The following SAPCD2 variants were observed in gnomAD, a reference collection of about 807,000 sequenced individuals.
SAPCD2 encodes the protein suppressor APC domain containing 2.
Under a neutral mutation model 37.8 loss-of-function variants are expected in SAPCD2, and 34 were observed. The ratio of observed to expected loss-of-function variants is 0.90; its 90% CI spans 0.68 to 1.20. SAPCD2 has a LOEUF of 1.20. Among genes scored for constraint, SAPCD2 ranks in the 50% most tolerant of loss-of-function variants. SAPCD2 has a pLI of 0.00. For missense variants in SAPCD2, 572 were observed against 584.7 expected (o/e 0.98, Z 0.22); for synonymous variants, 275 against 270.3 (o/e 1.02, Z -0.17).
chr9:137,064,025 C>G lies in SAPCD2; in HGVS notation c.*634G>C, dbSNP rs552759727. ...GTGGGAGGCACATGCAGGCCAAGCTCTCGCCCACCCGGCGTGCCGATCCGC... is the reference window on the plus strand; with the variant it reads ...GTGGGAGGCACATGCAGGCCAAGCTGTCGCCCACCCGGCGTGCCGATCCGC... On this transcript the variant is annotated 3_prime_UTR_variant, in exon 6 of 6. Coordinates refer to ENST00000409687, the MANE Select transcript of SAPCD2 (RefSeq NM_178448.4). 4.6e-4 allele frequency: 75 copies of G among 162,082 alleles called. 3 individuals are homozygous for G. The highest frequency in any genetic ancestry group is 3.2e-3 in the Middle Eastern group (1 of 312). The allele number at this position is 162,082 out of a possible 1,614,324, so 10.0% of individuals were successfully genotyped here.
At chr9:137,067,499 C>T (rs1296161002) in intron 1 of SAPCD2, among the ~76,000 whole-genome samples, 3 of 148,528 alleles carry the variant, frequency 2.0e-5, no homozygotes, top group Non-Finnish European at 3.0e-5. Context: ...TTGCCGGGCA[C>T]GGTGGCTCAC....
At chr9:137,066,415 G>A (rs759414980) in intron 1 of SAPCD2, 41 bp from the exon 2 acceptor site, 3 of 1,459,224 alleles carry the variant, frequency 2.1e-6, no homozygotes, top group Non-Finnish European at 2.8e-6. Flanking sequence ...CTCCAGACCT[G>A]CCTGGCCAGG....
At position 137,063,643 on chromosome 9, in the gene SAPCD2, C is replaced by G. The variant is rs1254701286; in HGVS notation, c.*1016G>C. On this transcript the variant is annotated 3_prime_UTR_variant, in exon 6 of 6. Coordinates refer to ENST00000409687, the MANE Select transcript of SAPCD2 (RefSeq NM_178448.4). Reference sequence around the variant, plus strand: ...TCCAGGTTGGGCTGAGCAGGGCCCCCCCACCAGTGCGTACTCCAGCACCAG... The same window carrying G: ...TCCAGGTTGGGCTGAGCAGGGCCCCGCCACCAGTGCGTACTCCAGCACCAG... The G allele has an allele frequency of 6.6e-6, 1 of 152,334 alleles. No homozygotes were observed. The highest frequency in any genetic ancestry group is 2.4e-5 in the African/African-American group (1 of 41,450). 9.4% of individuals were successfully genotyped at this position (152,334 alleles called of 1,614,324 possible).
Position 137,070,144 on chromosome 9 carries a change from G to C in SAPCD2, c.317C>G (p.Thr106Arg), listed in dbSNP as rs1186809447. The change falls in exon 1 of 6, where the codon ACG (threonine) becomes AGG (arginine). Residue 106 changes from threonine (T) to arginine (R), a missense_variant. Coordinates refer to ENST00000409687, the MANE Select transcript of SAPCD2 (RefSeq NM_178448.4). ...LSADGGPRDPTRAPARPGDQP... is the reference protein window; with the variant it reads ...LSADGGPRDPRRAPARPGDQP... ...ATCCCCGGGCCGGGCCGGGGCGCGC[G>C]TGGGGTCCCGGGGGCCGCCGTCGGC... is the stretch of plus-strand genomic sequence containing the variant. The C allele has an allele frequency of 3.3e-6, 4 of 1,203,192 alleles. No individual in the cohort carries two copies. The African/African-American group carries it at 4.8e-5, about 14-fold the overall frequency. 74.5% of individuals were successfully genotyped at this position (1,203,192 alleles called of 1,614,324 possible).
rs1001047509 is a variant in SAPCD2 at position 137,064,383 on chromosome 9, A to T, written c.*276T>A. 8 of 531,448 alleles carry T rather than the reference A, an allele frequency of 1.5e-5. No individual in the cohort carries two copies. Among genetic ancestry groups the T allele is most frequent in the Admixed American group, 3.2e-5 (1 of 31,142 alleles). The allele number at this position is 531,448 out of a possible 1,614,324, so 32.9% of individuals were successfully genotyped here. A position where few individuals can be genotyped will look rare whatever the true frequency, so the allele number is the denominator to read the frequency against. On this transcript the variant is annotated 3_prime_UTR_variant, in exon 6 of 6. Transcript: ENST00000409687. ...TGGAGGGGTACCCCACTGTCCACTG[A>T]CAGCGGCAGTAGTAGCTGCGGACTA...
rs1245336615 is a variant in SAPCD2 at position 137,064,535 on chromosome 9, C to T, written c.*124G>A. On this transcript the variant is annotated 3_prime_UTR_variant, in exon 6 of 6. Transcript: ENST00000409687. ...CTGGCAAGGGCGGCAGGAAGGCGCC[C>T]ACTCCGGGACTGTGCCTGGGCCTGC... The T allele has an allele frequency of 2.6e-6, 3 of 1,158,336 alleles. No homozygotes were observed. The highest frequency in any genetic ancestry group is 3.6e-6 in the Non-Finnish European group (3 of 822,614). The allele number at this position is 1,158,336 out of a possible 1,614,324, so 71.8% of individuals were successfully genotyped here.
At position 137,065,787 on chromosome 9, in the gene SAPCD2, G is replaced by A; in HGVS notation, c.685-119C>T. The A allele has an allele frequency of 2.3e-6, 3 of 1,283,278 alleles. No homozygotes were observed. The South Asian group carries it at 4.2e-5, about 18-fold the overall frequency. 79.5% of individuals were successfully genotyped at this position (1,283,278 alleles called of 1,614,324 possible). A position where few individuals can be genotyped will look rare whatever the true frequency, so the allele number is the denominator to read the frequency against. ...CACAGACACAAATGCAGCAGCACGT[G>A]TACACGTTTGCAAACACCCACGGAC... On this transcript the variant is annotated intron_variant, in intron 2 of 5. Coordinates refer to ENST00000409687, the MANE Select transcript of SAPCD2 (RefSeq NM_178448.4).
chr9:137,067,313 A>G (rs1227351593), intron 1 of SAPCD2, among the ~76,000 whole-genome samples: 2 of 151,736 alleles, frequency 1.3e-5, no homozygotes, highest in African/African-American at 4.8e-5. Context: ...TCTATTAGAA[A>G]CACAAAAATT....
chr9:137,065,465 TG>T, intron 3 of SAPCD2, 56 bp downstream of exon 3: 2 of 1,527,480 alleles, frequency 1.3e-6, no homozygotes, highest in Non-Finnish European at 8.8e-7. Flanking sequence ...CAAGGGTGCC[TG>T]GGGTGAGCTG....
intron 1 of SAPCD2, among the ~76,000 whole-genome samples, chr9:137,068,175 C>G (rs1309314442): frequency 6.6e-6 from 1 of 152,246 alleles, no homozygotes; most frequent in East Asian, 1.9e-4. Flanking sequence ...GCACTCCAGC[C>G]TGCGGTGCTG....
chr9:137,064,342 G>T lies in SAPCD2; in HGVS notation c.*317C>A. On this transcript the variant is annotated 3_prime_UTR_variant, in exon 6 of 6. Coordinates refer to ENST00000409687, the MANE Select transcript of SAPCD2 (RefSeq NM_178448.4). The stretch of plus-strand genomic sequence containing the variant: ...ACCCAGGGCGGCACCGCTGGAAACG[G>T]GGGGACGCTAACTCATGGAGGGGTA... 2.4e-6 allele frequency: 1 copy of T among 423,268 alleles called. No individual in the cohort carries two copies. The highest frequency in any genetic ancestry group is 4.3e-6 in the Non-Finnish European group (1 of 232,222). The allele number at this position is 423,268 out of a possible 1,614,324, so 26.2% of individuals were successfully genotyped here.
intron 1 of SAPCD2, among the ~76,000 whole-genome samples, chr9:137,067,753 C>G (rs12351804): frequency 5.0e-4 from 56 of 110,976 alleles, no homozygotes; most frequent in Middle Eastern, 0.011. Context: ...CCAGCCTGGG[C>G]GACAGAGCAA....
intron 2 of SAPCD2, 115 bp downstream of exon 2, chr9:137,066,147 A>G: frequency 1.2e-6 from 1 of 818,950 alleles, no homozygotes; most frequent in South Asian, 1.5e-5. Flanking sequence ...AGATGTCCAG[A>G]GCTGACTGTA....
rs1258657781 is a variant in SAPCD2 at position 137,064,519 on chromosome 9, G to C, written c.*140C>G. Reference sequence around the variant, plus strand: ...GGCCTGGGGAGCCCATCTGGCAAGGGCGGCAGGAAGGCGCCCACTCCGGGA... The same window carrying C: ...GGCCTGGGGAGCCCATCTGGCAAGGCCGGCAGGAAGGCGCCCACTCCGGGA... On this transcript the variant is annotated 3_prime_UTR_variant, in exon 6 of 6. Transcript: ENST00000409687. The C allele has an allele frequency of 6.2e-6, 6 of 971,562 alleles. No individual in the cohort carries two copies. The highest frequency in any genetic ancestry group is 4.9e-5 in the South Asian group (3 of 61,346). 60.2% of individuals were successfully genotyped at this position (971,562 alleles called of 1,614,324 possible).
rs996020336 is a variant in SAPCD2, at chr9:137,063,318, C to G, written c.*1341G>C. 6.6e-6 allele frequency: 1 copy of G among 152,394 alleles called. No individual in the cohort carries two copies. The highest frequency in any genetic ancestry group is 1.5e-5 in the Non-Finnish European group (1 of 68,156). The allele number at this position is 152,394 out of a possible 1,614,324, so 9.4% of individuals were successfully genotyped here. ...CAGGGAATGTGGCTCTGTGGGGTTGCTGTGGGCAGGTTAGCATGGAGCTGG... is the reference window on the plus strand; with the variant it reads ...CAGGGAATGTGGCTCTGTGGGGTTGGTGTGGGCAGGTTAGCATGGAGCTGG... On this transcript the variant is annotated 3_prime_UTR_variant, in exon 6 of 6. Coordinates refer to ENST00000409687, the MANE Select transcript of SAPCD2 (RefSeq NM_178448.4).
rs1357907079 is a variant in SAPCD2, at chr9:137,064,944, AGGGCAGGGGGGCCCGGAGGAGGACGG to A, written c.949_974del (p.Pro317CysfsTer34). The A allele has an allele frequency of 6.4e-7, 1 of 1,551,962 alleles. No homozygotes were observed. The highest frequency in any genetic ancestry group is 2.4e-5 in the East Asian group (1 of 41,242). ...CCGGGGGTGAGGTGGACGTCAGGGC[AGGGCAGGGGGGCCCGGAGGAGGACGG>A]GGGCAGGGCCTGCGGGAGGGCAGGA... On this transcript the variant is annotated frameshift_variant, in exon 5 of 6. Transcript: ENST00000409687. LOFTEE classifies it high-confidence loss of function.
chr9:137,066,399 G>C (rs957652102), intron 1 of SAPCD2, 25 bp from the exon 2 acceptor site: 2 of 1,532,576 alleles, frequency 1.3e-6, no homozygotes, highest in Admixed American at 1.9e-5. Flanking sequence ...CATGGGCCTG[G>C]CTCACCTCCA....
In SAPCD2 at chr9:137,070,421, G is replaced by C; in HGVS notation, c.40C>G (p.Pro14Ala). Residue 14 changes from proline to alanine, a missense_variant, in exon 1 of 6, where the codon CCC (proline) becomes GCC (alanine). Physicochemically the swap from Pro to Ala is conservative, Grantham distance 27. Transcript: ENST00000409687. The part of the protein sequence containing the change: ...AAMAERGRVP[P>A]PAPAPSTEGL... ...TCCGTGCTGGGCGCGGGTGCGGGGG[G>C]AGGCACGCGGCCCCGCTCGGCCATG... The C allele has an allele frequency of 1.5e-6, 2 of 1,293,684 alleles. No individual in the cohort carries two copies. Among genetic ancestry groups the C allele is most frequent in the Non-Finnish European group, 9.8e-7 (1 of 1,020,956 alleles). 80.1% of individuals were successfully genotyped at this position (1,293,684 alleles called of 1,614,324 possible).
Position 137,070,201 on chromosome 9 carries a change from A to C in SAPCD2, c.260T>G (p.Phe87Cys). 7.3e-7 allele frequency: 1 copy of C among 1,372,532 alleles called. No homozygotes were observed. Among genetic ancestry groups the C allele is most frequent in the Non-Finnish European group, 9.5e-7 (1 of 1,056,002 alleles). The allele number at this position is 1,372,532 out of a possible 1,614,324, so 85.0% of individuals were successfully genotyped here. A position where few individuals can be genotyped will look rare whatever the true frequency, so the allele number is the denominator to read the frequency against. ...PASGYLTFER[F>C]VAGLRTSLLS... ...CAGGGAGGTGCGCAGGCCGGCCACGAAGCGCTCGAAGGTCAGGTAGCCGCT... is the reference window on the plus strand; with the variant it reads ...CAGGGAGGTGCGCAGGCCGGCCACGCAGCGCTCGAAGGTCAGGTAGCCGCT... The change falls in exon 1 of 6, where the codon TTC becomes TGC. Residue 87 changes from phenylalanine to cysteine, a missense_variant. Physicochemically the swap from Phe to Cys is radical, Grantham distance 205. Coordinates refer to ENST00000409687, the MANE Select transcript of SAPCD2 (RefSeq NM_178448.4).
Sources: allele counts gnomAD v4.1 joint callset (sites outside exome capture counted in the v4.1 genomes callset), GRCh38; gene constraint gnomAD v4.1.1; transcripts MANE v1.5; gene names NCBI Gene and HGNC (gene_info 2026-07-23, HGNC 2026-07-21).